UGT2A3: variants seen among roughly 807,000 people sequenced by gnomAD.
UGT2A3 encodes UDP-glucuronosyltransferase 2A3.
In UGT2A3, 55 loss-of-function variants were observed where a neutral mutation model predicts 44.1. The observed-to-expected ratio is 1.25, with a 90% CI of 1.00 to 1.56. The LOEUF is 1.56. UGT2A3 is among the 40% of genes most tolerant of loss of function. The pLI, the probability that UGT2A3 is intolerant of heterozygous loss-of-function variation, is 0.00. For missense variants in UGT2A3, 733 were observed against 621.6 expected, an observed-to-expected ratio of 1.18 and a Z score of -1.91; for synonymous variants, 243 against 215.1, an observed-to-expected ratio of 1.13 and a Z score of -1.13.
chr4:68,932,726 C>G lies in UGT2A3; in HGVS notation c.898G>C (p.Asp300His). The change falls in exon 3 of 6, where the codon GAT (aspartate) becomes CAT (histidine). Residue 300 changes from aspartate (D) to histidine (H), a missense_variant. Asp to His is a moderately conservative substitution (Grantham distance 81). Transcript: ENST00000251566. The stretch of plus-strand genomic sequence containing the variant: ...CCCAGAGAAAACACCACAATACCAT[C>G]TTCCCCTGAACTCTGGACAAAATTT... ...MENFVQSSGE[D>H]GIVVFSLGSL... 6.2e-7 allele frequency: 1 copy of G among 1,611,460 alleles called. No homozygotes were observed. Among genetic ancestry groups the G allele is most frequent in the Non-Finnish European group, 8.5e-7 (1 of 1,178,346 alleles).
At position 68,929,530 on chromosome 4, in the gene UGT2A3, A is replaced by G. The variant is rs1300693484; in HGVS notation, c.*283T>C. 1 of 260,710 alleles carries G rather than the reference A, an allele frequency of 3.8e-6. No individual in the cohort carries two copies. Among genetic ancestry groups the G allele is most frequent in the African/African-American group, 2.2e-5 (1 of 45,402 alleles). The allele number at this position is 260,710 out of a possible 1,614,324, so 16.1% of individuals were successfully genotyped here. A position where few individuals can be genotyped will look rare whatever the true frequency, so the allele number is the denominator to read the frequency against. ...GCATGTCACCCTATCACTTAAGGTT[A>G]TAGAAGTAATGACATCATCAAAACA... On this transcript the variant is annotated 3_prime_UTR_variant, in exon 6 of 6. Coordinates refer to ENST00000251566, the MANE Select transcript of UGT2A3 (RefSeq NM_024743.4).
At chr4:68,947,000 G>A (rs377645929) in intron 1 of UGT2A3, among the ~76,000 whole-genome samples, 16 of 151,608 alleles carry the variant, frequency 1.1e-4, no homozygotes, top group Non-Finnish European at 2.2e-4. Flanking sequence ...ATTTTTTCTG[G>A]TGTAGGGTCT....
At position 68,951,037 on chromosome 4, in the gene UGT2A3, G is replaced by C. The variant is rs752674240; in HGVS notation, c.715+9C>G. ...TAACTAAATTAAAAATAAAACAAAAGTGTCTTACCTAATGCCTTACTATAA... is the reference window on the plus strand; with the variant it reads ...TAACTAAATTAAAAATAAAACAAAACTGTCTTACCTAATGCCTTACTATAA... On this transcript the variant is annotated intron_variant, in intron 1 of 5. Coordinates refer to ENST00000251566, the MANE Select transcript of UGT2A3 (RefSeq NM_024743.4). 6.7e-7 allele frequency: 1 copy of C among 1,495,316 alleles called. No homozygotes were observed. Among genetic ancestry groups the C allele is most frequent in the East Asian group, 2.3e-5 (1 of 42,928 alleles). 92.6% of individuals were successfully genotyped at this position (1,495,316 alleles called of 1,614,324 possible). A position where few individuals can be genotyped will look rare whatever the true frequency, so the allele number is the denominator to read the frequency against.
At chr4:68,945,146 A>G (rs1718336670) in intron 2 of UGT2A3, among the ~76,000 whole-genome samples, 160 bp downstream of exon 2, 4 of 151,744 alleles carry the variant, frequency 2.6e-5, no homozygotes, top group Non-Finnish European at 4.4e-5. Flanking sequence ...CCGAAAAGAC[A>G]TATAATCACC....
rs367894344 is a variant in UGT2A3 at position 68,928,908 on chromosome 4, C to G, written c.*905G>C. ...CTGATCTTACTTTCAGAACAAGCAT[C>G]TCTTTATTTTTCTACAGTAAATTAT... On this transcript the variant is annotated 3_prime_UTR_variant, in exon 6 of 6. Transcript: ENST00000251566. 3 of 152,090 alleles carry G rather than the reference C, an allele frequency of 2.0e-5. No individual in the cohort carries two copies. Among genetic ancestry groups the G allele is most frequent in the East Asian group, 3.9e-4 (2 of 5,166 alleles). The allele number at this position is 152,090 out of a possible 1,614,324, so 9.4% of individuals were successfully genotyped here.
chr4:68,932,231 T>A (rs1717763859), intron 3 of UGT2A3, among the ~76,000 whole-genome samples: 1 of 151,894 alleles, frequency 6.6e-6, no homozygotes, highest in Non-Finnish European at 1.5e-5. Flanking sequence ...TGAATACAGT[T>A]TTTATACACA....
At chr4:68,940,163 A>G (rs1325370091) in intron 2 of UGT2A3, among the ~76,000 whole-genome samples, 4 of 152,174 alleles carry the variant, frequency 2.6e-5, no homozygotes, top group African/African-American at 9.6e-5. Context: ...ATCTAGAACT[A>G]GAAATACCAT....
Position 68,930,599 on chromosome 4 carries a change from A to G in UGT2A3, c.1251T>C (p.Thr417=). Residue 417 remains threonine, a synonymous_variant, in exon 5 of 6, where the codon ACT becomes ACC. Transcript: ENST00000251566. ...KGAAVEINFK[T]MTSEDLLRAL... ...CCCTCAGTAAATCTTCGCTTGTCATAGTTTTGAAGTTTATTTCTACAGCTG... is the reference window on the plus strand; with the variant it reads ...CCCTCAGTAAATCTTCGCTTGTCATGGTTTTGAAGTTTATTTCTACAGCTG... 1.2e-6 allele frequency: 2 copies of G among 1,613,420 alleles called. No homozygotes were observed. The highest frequency in any genetic ancestry group is 1.7e-6 in the Non-Finnish European group (2 of 1,179,624).
Position 68,951,131 on chromosome 4 carries a change from T to C in UGT2A3, c.630A>G (p.Lys210=). 1 of 1,611,666 alleles carries C rather than the reference T, an allele frequency of 6.2e-7. No homozygotes were observed. The highest frequency in any genetic ancestry group is 8.5e-7 in the Non-Finnish European group (1 of 1,178,864). Residue 210 remains lysine, a synonymous_variant, in exon 1 of 6, where the codon AAA becomes AAG. Transcript: ENST00000251566. ...GGAACAAAACTGAAAGCATTGAATT[T>C]TTTACTCTTTCCAGAAAGGTCATTC... is the stretch of plus-strand genomic sequence containing the variant. ...TDRMTFLERV[K]NSMLSVLFHF... is the part of the protein sequence containing the mutation.
At chr4:68,947,320 T>G (rs905067827) in intron 1 of UGT2A3, among the ~76,000 whole-genome samples, 1 of 151,830 alleles carries the variant, frequency 6.6e-6, no homozygotes, top group Non-Finnish European at 1.5e-5. Flanking sequence ...TCTGTGTTCA[T>G]CTATAAAAAG....
At chr4:68,932,074 T>C (rs1233651861) in intron 3 of UGT2A3, among the ~76,000 whole-genome samples, 1 of 151,958 alleles carries the variant, frequency 6.6e-6, no homozygotes, top group African/African-American at 2.4e-5. Flanking sequence ...AATAATAAAG[T>C]TAAAATTAGT....
At chr4:68,938,449 GA>G (rs1198038665) in intron 2 of UGT2A3, among the ~76,000 whole-genome samples, 2 of 151,226 alleles carry the variant, frequency 1.3e-5, no homozygotes, top group African/African-American at 4.9e-5. Context: ...AAACAACGAG[GA>G]AAACCACGAT....
At chr4:68,949,705 G>A (rs185734043) in intron 1 of UGT2A3, among the ~76,000 whole-genome samples, 155 of 152,008 alleles carry the variant, frequency 1.0e-3, no homozygotes, top group Middle Eastern at 3.4e-3. Flanking sequence ...ACACCTGTGC[G>A]TAAGCACTTA....
At chr4:68,936,937 A>G (rs1248919492) in intron 2 of UGT2A3, among the ~76,000 whole-genome samples, 1 of 150,876 alleles carries the variant, frequency 6.6e-6, no homozygotes, top group Non-Finnish European at 1.5e-5. Flanking sequence ...AGTCACTGAT[A>G]AAACAGGCTT....
chr4:68,947,953 A>T (rs938227632), intron 1 of UGT2A3, among the ~76,000 whole-genome samples: 1 of 151,852 alleles, frequency 6.6e-6, no homozygotes, highest in Non-Finnish European at 1.5e-5. Flanking sequence ...TAGATTTAAC[A>T]TAATTATTAA....
rs200453319 is a variant in UGT2A3 at position 68,945,408 on chromosome 4, C to A, written c.762G>T (p.Trp254Cys). ...CAAAATCCCAATATGTTCGTATTAG[C>A]CATATCTCAGCTTTTCCCACAGTCT... is the stretch of plus-strand genomic sequence containing the variant. ...LCETVGKAEI[W>C]LIRTYWDFEF... Residue 254 changes from tryptophan to cysteine, a missense_variant, in exon 2 of 6, where the codon TGG (tryptophan) becomes TGT (cysteine). Coordinates refer to ENST00000251566, the MANE Select transcript of UGT2A3 (RefSeq NM_024743.4). The A allele has an allele frequency of 1.1e-5, 17 of 1,611,180 alleles. No homozygotes were observed. The East Asian group carries it at 3.6e-4, about 34-fold the overall frequency.
At chr4:68,944,053 G>A (rs1162315170) in intron 2 of UGT2A3, among the ~76,000 whole-genome samples, 1 of 151,758 alleles carries the variant, frequency 6.6e-6, no homozygotes, top group East Asian at 1.9e-4. Context: ...GCCTTACAAG[G>A]GATGCTGAAC....
chr4:68,949,667 A>T (rs1414875353), intron 1 of UGT2A3, among the ~76,000 whole-genome samples: 1 of 151,948 alleles, frequency 6.6e-6, no homozygotes, highest in African/African-American at 2.4e-5. Context: ...TGTGAAGGAC[A>T]ATAAAGCAAT....
In UGT2A3 at chr4:68,928,909, T is replaced by C. The variant is rs1371336910; in HGVS notation, c.*904A>G. On this transcript the variant is annotated 3_prime_UTR_variant, in exon 6 of 6. Coordinates refer to ENST00000251566, the MANE Select transcript of UGT2A3 (RefSeq NM_024743.4). ...TGATCTTACTTTCAGAACAAGCATC[T>C]CTTTATTTTTCTACAGTAAATTATA... is the stretch of plus-strand genomic sequence containing the variant. 1 of 152,106 alleles carries C rather than the reference T, an allele frequency of 6.6e-6. No individual in the cohort carries two copies. Among genetic ancestry groups the C allele is most frequent in the African/African-American group, 2.4e-5 (1 of 41,450 alleles). The allele number at this position is 152,106 out of a possible 1,614,324, so 9.4% of individuals were successfully genotyped here. A position where few individuals can be genotyped will look rare whatever the true frequency, so the allele number is the denominator to read the frequency against.
Sources: allele counts gnomAD v4.1 joint callset (sites outside exome capture counted in the v4.1 genomes callset), GRCh38; gene constraint gnomAD v4.1.1; transcripts MANE v1.5; gene names NCBI Gene and HGNC (gene_info 2026-07-23, HGNC 2026-07-21).